TMEM114: variants seen among roughly 807,000 people sequenced by gnomAD.
The protein encoded by TMEM114 is claudin-26.
In TMEM114, 6 loss-of-function variants were observed where a neutral mutation model predicts 6.2. The ratio of observed to expected loss-of-function variants is 0.97; its 90% CI spans 0.53 to 1.91. TMEM114 has a LOEUF of 1.91. Ranked by LOEUF, TMEM114 falls within the 40% of genes most tolerant of loss-of-function variation. TMEM114 has a pLI of 0.01. For missense variants in TMEM114, 218 were observed against 158.3 expected, an observed-to-expected ratio of 1.38 and a Z score of -2.02; for synonymous variants, 104 against 73.0, an observed-to-expected ratio of 1.42 and a Z score of -2.16.
the TMEM114 span, among the ~76,000 whole-genome samples, chr16:8,530,400 C>G: frequency 6.6e-6 from 1 of 152,144 alleles, no homozygotes; most frequent in African/African-American, 2.4e-5. Flanking sequence ...GCTAGTAGGA[C>G]TAGTCTAGAT....
chr16:8,586,909 C>T (rs1421037653), intron 2 of TMEM114, among the ~76,000 whole-genome samples: 1 of 152,196 alleles, frequency 6.6e-6, no homozygotes, highest in Non-Finnish European at 1.5e-5. Flanking sequence ...TCCACCTTTC[C>T]TCAACTCCCA....
chr16:8,538,413 T>C (rs1900424213), intron 2 of TMEM114, among the ~76,000 whole-genome samples: 1 of 152,060 alleles, frequency 6.6e-6, no homozygotes, highest in Non-Finnish European at 1.5e-5. Context: ...AGAAGTGTCA[T>C]CGTGTTCCCT....
the TMEM114 span, among the ~76,000 whole-genome samples, chr16:8,527,461 G>T: frequency 6.6e-6 from 1 of 152,104 alleles, no homozygotes; most frequent in Non-Finnish European, 1.5e-5. Flanking sequence ...GCATAAAATG[G>T]ACACTTCCCC....
At chr16:8,531,750 C>G in the TMEM114 span, among the ~76,000 whole-genome samples, 1 of 152,172 alleles carries the variant, frequency 6.6e-6, no homozygotes, top group African/African-American at 2.4e-5. Context: ...GTGGAATCCT[C>G]AATGAAATGA....
downstream of TMEM114, among the ~76,000 whole-genome samples, chr16:8,564,681 ATGAGTGAGTGAATGAG>A (rs1424045590): frequency 0.031 from 419 of 13,640 alleles, 19 homozygotes; most frequent in African/African-American, 0.11. Flanking sequence ...GAATGAGTGA[ATGAGTGAGTGAATGAG>A]TGAGTGAGTG....
At chr16:8,568,761 G>C (rs975526934), downstream of TMEM114, among the ~76,000 whole-genome samples, 5 of 152,164 alleles carry the variant, frequency 3.3e-5, no homozygotes, top group South Asian at 2.1e-4. Flanking sequence ...CCATGGTTTT[G>C]GGTTAGAATA....
chr16:8,548,854 TGAGA>T (rs1555461996), intron 2 of TMEM114, among the ~76,000 whole-genome samples: 1 of 151,452 alleles, frequency 6.6e-6, no homozygotes, highest in Non-Finnish European at 1.5e-5. Flanking sequence ...ATAAAGGGAG[TGAGA>T]GAGAGAGATC....
intron 2 of TMEM114, among the ~76,000 whole-genome samples, chr16:8,563,199 GAGTGAATGAGTGAGCAAATAAGTA>G (rs1406805555): frequency 1.3e-5 from 2 of 151,684 alleles, no homozygotes; most frequent in Admixed American, 1.3e-4. Context: ...GTGAATGAAT[GAGTGAATGAGTGAGCAAATAAGTA>G]AGTGAATGAG....
In TMEM114 at chr16:8,539,863, G is replaced by A. The variant is rs186100844; in HGVS notation, n.213-2037C>T. On this transcript the variant is annotated intron_variant and non_coding_transcript_variant, in intron 2 of 2. Coordinates refer to the TMEM114 transcript ENST00000623677. ...CACAGAGTCTCGCTCTGCCACCCAG[G>A]CTGGAATGCAGTGAAACAATCTCTC... is the stretch of plus-strand genomic sequence containing the variant. Among the ~76,000 whole-genome samples the A allele has an allele frequency of 2.3e-3, 352 of 152,092 alleles. 2 individuals carry two copies. Among genetic ancestry groups the A allele is most frequent in the African/African-American group, 8.2e-3 (338 of 41,470 alleles).
intron 2 of TMEM114, among the ~76,000 whole-genome samples, chr16:8,540,553 G>A (rs1900486949): frequency 3.9e-5 from 6 of 152,176 alleles, no homozygotes; most frequent in Admixed American, 3.9e-4. Context: ...AGGTTGGATA[G>A]TCAATGAAAG....
intron 2 of TMEM114, among the ~76,000 whole-genome samples, chr16:8,585,159 G>A (rs1277872035): frequency 1.3e-5 from 2 of 152,192 alleles, no homozygotes; most frequent in South Asian, 4.1e-4. Flanking sequence ...CAGATCTCAG[G>A]AGACTTGTTC....
rs1596309682 is a variant in TMEM114 at position 8,572,081 on chromosome 16, A to C, written c.439+6T>G. 1 of 1,539,500 alleles carries C rather than the reference A, an allele frequency of 6.5e-7. No individual in the cohort carries two copies. The highest frequency in any genetic ancestry group is 2.0e-5 in the Admixed American group (1 of 50,096). ...AGCCAGAGCCCTAGGCAGGGTGGGC[A>C]CCTACCTCCAAAGAGGAAGAGAATT... On this transcript the variant is annotated splice_donor_region_variant and intron_variant, in intron 3 of 3. Transcript: ENST00000620492.
intron 2 of TMEM114, among the ~76,000 whole-genome samples, chr16:8,560,750 G>C (rs753855843): frequency 6.6e-6 from 1 of 152,168 alleles, no homozygotes; most frequent in South Asian, 2.1e-4. Flanking sequence ...CACTATGTCT[G>C]GGATCCCCCA....
At chr16:8,583,758 A>G (rs1369835734) in intron 2 of TMEM114, among the ~76,000 whole-genome samples, 1 of 152,046 alleles carries the variant, frequency 6.6e-6, no homozygotes, top group Non-Finnish European at 1.5e-5. Context: ...AAAAAAAAAA[A>G]AAGTCACACA....
chr16:8,536,508 A>G (rs1040226085), downstream of TMEM114, among the ~76,000 whole-genome samples: 4 of 152,220 alleles, frequency 2.6e-5, no homozygotes, highest in Admixed American at 1.3e-4. Context: ...GGGGAGAGTC[A>G]CAACTAATTT....
intron 2 of TMEM114, among the ~76,000 whole-genome samples, chr16:8,539,534 C>A (rs1377310542): frequency 6.6e-6 from 1 of 152,146 alleles, no homozygotes; most frequent in Non-Finnish European, 1.5e-5. Flanking sequence ...CTCCTTCCAT[C>A]CTCCCACGCT....
downstream of TMEM114, among the ~76,000 whole-genome samples, chr16:8,564,685 GT>G (rs1567203910): frequency 1.2e-4 from 2 of 16,306 alleles, no homozygotes; most frequent in African/African-American, 2.6e-4. Context: ...GAGTGAATGA[GT>G]GAGTGAATGA....
chr16:8,563,200 A>T (rs1391113414), intron 2 of TMEM114, among the ~76,000 whole-genome samples: 2 of 151,912 alleles, frequency 1.3e-5, no homozygotes, highest in Non-Finnish European at 2.9e-5. Flanking sequence ...TGAATGAATG[A>T]GTGAATGAGT....
intron 2 of TMEM114, among the ~76,000 whole-genome samples, chr16:8,574,582 C>CTTCCTTCT (rs140621744): frequency 8.3e-4 from 119 of 142,568 alleles, no homozygotes; most frequent in Middle Eastern, 6.9e-3. Context: ...TCCTTCCTTC[C>CTTCCTTCT]TTCTTTCTTT....
Sources: allele counts gnomAD v4.1 joint callset (sites outside exome capture counted in the v4.1 genomes callset), GRCh38; gene constraint gnomAD v4.1.1; transcripts MANE v1.5; gene names NCBI Gene and HGNC (gene_info 2026-07-23, HGNC 2026-07-21).